ATP10A: variants seen among roughly 807,000 people sequenced by gnomAD.
ATP10A encodes the protein ATPase phospholipid transporting 10A (putative).
In ATP10A, 111 loss-of-function variants were observed where a neutral mutation model predicts 147.8. That is an observed-to-expected ratio of 0.75 (90% confidence interval 0.64 to 0.88). ATP10A has a LOEUF of 0.88. Ranked by LOEUF, ATP10A falls within the 40% of genes least tolerant of loss-of-function variation. The probability of loss-of-function intolerance (pLI) is 0.00; values close to 1 mark genes in which losing one functional copy is unlikely to be tolerated. For missense variants in ATP10A, 1,927 were observed against 1,959.0 expected (o/e 0.98, Z 0.31); for synonymous variants, 875 against 841.6 (o/e 1.04, Z -0.69).
intron 2 of ATP10A, among the ~76,000 whole-genome samples, chr15:25,769,618 A>G (rs1889231647): frequency 6.6e-6 from 1 of 151,986 alleles, no homozygotes; most frequent in African/African-American, 2.4e-5. Context: ...AACTTTCTGG[A>G]ACTGCAGTTT....
chr15:25,750,315 G>A (rs1888077917), intron 2 of ATP10A, among the ~76,000 whole-genome samples: 1 of 151,950 alleles, frequency 6.6e-6, no homozygotes, highest in Non-Finnish European at 1.5e-5. Context: ...GTAAAATACT[G>A]TCAACCTAGA....
At chr15:25,763,060 T>C (rs1316406969) in intron 2 of ATP10A, among the ~76,000 whole-genome samples, 1 of 152,162 alleles carries the variant, frequency 6.6e-6, no homozygotes, top group Non-Finnish European at 1.5e-5. Flanking sequence ...AAACAACCAG[T>C]TAATGAACTG....
intron 2 of ATP10A, among the ~76,000 whole-genome samples, chr15:25,737,356 T>C (rs1203395257): frequency 6.6e-6 from 1 of 152,170 alleles, no homozygotes; most frequent in East Asian, 1.9e-4. Flanking sequence ...AGGCAGTGAG[T>C]TCCAGAGAAC....
chr15:25,735,029 A>C (rs1469395876), intron 3 of ATP10A, among the ~76,000 whole-genome samples: 3 of 111,928 alleles, frequency 2.7e-5, no homozygotes, highest in Admixed American at 1.6e-4. Flanking sequence ...GGGTGGGGGA[A>C]GTGGGTGGGG....
intron 1 of ATP10A, among the ~76,000 whole-genome samples, chr15:25,807,066 G>C (rs759313951): frequency 3.9e-5 from 6 of 152,262 alleles, no homozygotes; most frequent in African/African-American, 7.2e-5. Flanking sequence ...CAATAACAGA[G>C]CACAAGCGCA....
intron 2 of ATP10A, among the ~76,000 whole-genome samples, chr15:25,740,866 A>C (rs958878252): frequency 6.6e-6 from 1 of 152,216 alleles, no homozygotes; most frequent in Non-Finnish European, 1.5e-5. Flanking sequence ...AGCTCTGCTC[A>C]GGGTCACTGC....
At chr15:25,728,867 G>A (rs1339246357) in intron 3 of ATP10A, among the ~76,000 whole-genome samples, 1 of 152,090 alleles carries the variant, frequency 6.6e-6, no homozygotes, top group African/African-American at 2.4e-5. Flanking sequence ...AATGCGAGGG[G>A]TTGGGAACGT....
intron 2 of ATP10A, among the ~76,000 whole-genome samples, chr15:25,743,918 C>T (rs1014048853): frequency 2.6e-5 from 4 of 152,120 alleles, no homozygotes; most frequent in African/African-American, 9.7e-5. Flanking sequence ...TGATTAACAG[C>T]CTTAATTCCA....
At chr15:25,788,244 G>A (rs1443257722) in intron 1 of ATP10A, among the ~76,000 whole-genome samples, 3 of 152,204 alleles carry the variant, frequency 2.0e-5, no homozygotes, top group African/African-American at 7.2e-5. Flanking sequence ...CTTCACATCT[G>A]GCCACTACTT....
intron 12 of ATP10A, 146 bp downstream of exon 12, chr15:25,707,830 C>T (rs916643366): frequency 7.2e-5 from 84 of 1,174,524 alleles, no homozygotes; most frequent in Non-Finnish European, 9.9e-5. Flanking sequence ...AGCACCCTCC[C>T]GCCTCGGCTG....
In ATP10A at chr15:25,701,915, C is replaced by G. The variant is rs1361906358; in HGVS notation, c.2760+1G>C. 1 of 1,596,326 alleles carries G rather than the reference C, an allele frequency of 6.3e-7. No homozygotes were observed. Among genetic ancestry groups the G allele is most frequent in the South Asian group, 1.1e-5 (1 of 88,604 alleles). On this transcript the variant is annotated splice_donor_variant, in intron 13 of 20. Coordinates refer to ENST00000555815, the MANE Select transcript of ATP10A (RefSeq NM_024490.4). LOFTEE classifies it high-confidence loss of function. ...AGCGGAGCCACTTGAAACCCACCTA[C>G]CTGGGAGGTGGCATTCAGGGTGATG... is the stretch of plus-strand genomic sequence containing the variant.
intron 1 of ATP10A, among the ~76,000 whole-genome samples, chr15:25,798,094 T>C (rs2873451): frequency 0.79 from 119,563 of 152,004 alleles, 47,155 homozygotes; most frequent in African/African-American, 0.82. Flanking sequence ...AGGGAGGCCC[T>C]GGGTTGCATT....
chr15:25,672,999 G>A (rs772198245), downstream of ATP10A, among the ~76,000 whole-genome samples: 1 of 152,116 alleles, frequency 6.6e-6, no homozygotes, highest in African/African-American at 2.4e-5. Flanking sequence ...CATCCCAAGC[G>A]TAACATCCTG....
At chr15:25,859,933 TG>T (rs1893681230) in intron 1 of ATP10A, among the ~76,000 whole-genome samples, 1 of 152,124 alleles carries the variant, frequency 6.6e-6, no homozygotes, top group Non-Finnish European at 1.5e-5. Flanking sequence ...AACAATGTGT[TG>T]CACGCTTGGA....
rs59037981 is a variant in ATP10A, at chr15:25,721,543, CGTGTGTGTGTGTGT to C, written c.1363+100_1363+113del. On this transcript the variant is annotated intron_variant, in intron 7 of 20. Coordinates refer to ENST00000555815, the MANE Select transcript of ATP10A (RefSeq NM_024490.4). ...CCTTGAAAATCAGTAATCCCTGAAG[CGTGTGTGTGTGTGT>C]GTGTGTGTGTGTGTGTGTGTGTGTG... 5.1e-4 allele frequency: 383 copies of C among 749,540 alleles called. 1 individual carries two copies. The highest frequency in any genetic ancestry group is 1.6e-3 in the Middle Eastern group (4 of 2,454). 46.4% of individuals were successfully genotyped at this position (749,540 alleles called of 1,614,324 possible).
Position 25,683,304 on chromosome 15 carries a change from C to G in ATP10A, c.3474G>C (p.Lys1158Asn). ...GCTTTACCTCCATGTTCTGGCCACT[C>G]TTGTAGAGCTGCGGGTTGGTCAGCA... ...NVLLTNPQLY[K>N]SGQNMEEYRP... Residue 1158 changes from lysine (K) to asparagine (N), a missense_variant, in exon 17 of 21, where the codon AAG (lysine) becomes AAC (asparagine). Transcript: ENST00000555815. 6.2e-7 allele frequency: 1 copy of G among 1,614,000 alleles called. No individual in the cohort carries two copies. Among genetic ancestry groups the G allele is most frequent in the Non-Finnish European group, 8.5e-7 (1 of 1,180,026 alleles).
chr15:25,808,453 C>T (rs1891292564), intron 1 of ATP10A, among the ~76,000 whole-genome samples: 1 of 152,194 alleles, frequency 6.6e-6, no homozygotes, highest in Non-Finnish European at 1.5e-5. Flanking sequence ...GGCACAATCT[C>T]GGCTCACTGC....
intron 13 of ATP10A, 45 bp from the exon 14 acceptor site, chr15:25,695,191 C>A: frequency 6.5e-7 from 1 of 1,532,538 alleles, no homozygotes; most frequent in Non-Finnish European, 8.9e-7. Flanking sequence ...CAGAGTCATG[C>A]CACAAACATC....
Position 25,702,449 on chromosome 15 carries a change from G to A in ATP10A, c.2576-349C>T, listed in dbSNP as rs568425754. 8.5e-5 allele frequency among the ~76,000 whole-genome samples: 13 copies of A among 152,336 alleles called. No homozygotes were observed. The South Asian group carries it at 1.4e-3, about 17-fold the overall frequency. ...TTTACAGATAACCTGAAGGCAAAGC[G>A]TATGGGAAGGTGTTGGGAATGACGA... On this transcript the variant is annotated intron_variant, in intron 12 of 20. Transcript: ENST00000555815.
Sources: gnomAD v4.1 joint callset for allele counts (sites outside exome capture counted in the v4.1 genomes callset) on GRCh38, gnomAD v4.1.1 for gene constraint, MANE v1.5 for transcripts, NCBI Gene and HGNC (gene_info 2026-07-23, HGNC 2026-07-21) for gene names.